CADPS: variants seen among roughly 807,000 people sequenced by gnomAD.
The protein encoded by CADPS is calcium dependent secretion activator.
In CADPS, 57 loss-of-function variants were observed where a neutral mutation model predicts 167.3. That is an observed-to-expected ratio of 0.34 (90% confidence interval 0.28 to 0.42). CADPS has a LOEUF of 0.42. Ranked by LOEUF, CADPS falls within the 20% of genes least tolerant of loss-of-function variation. The pLI is 1.00. For synonymous variants in CADPS, 676 were observed against 635.3 expected (o/e 1.06, Z -0.96); for missense variants, 1,414 against 1,738.1 (o/e 0.81, Z 3.32).
chr3:62,665,669 C>T (rs2074270214), intron 3 of CADPS, among the ~76,000 whole-genome samples: 1 of 152,168 alleles, frequency 6.6e-6, no homozygotes, highest in South Asian at 2.1e-4. Flanking sequence ...AACCCTCTGT[C>T]ACTTGTCATG....
chr3:62,447,635 A>C (rs1226261112), intron 26 of CADPS, among the ~76,000 whole-genome samples: 1 of 152,214 alleles, frequency 6.6e-6, no homozygotes, highest in Admixed American at 6.5e-5. Flanking sequence ...TTGAGAAGTA[A>C]GCAGAGGCAA....
At chr3:62,577,869 T>A (rs1265518612) in intron 8 of CADPS, among the ~76,000 whole-genome samples, 1 of 151,844 alleles carries the variant, frequency 6.6e-6, no homozygotes, top group African/African-American at 2.4e-5. Flanking sequence ...AACAATACAA[T>A]AAAGAAGACA....
At chr3:62,846,125 C>T (rs1460374096) in intron 1 of CADPS, among the ~76,000 whole-genome samples, 1 of 152,024 alleles carries the variant, frequency 6.6e-6, no homozygotes, top group Non-Finnish European at 1.5e-5. Context: ...ATTCTCCCTT[C>T]TACCATGATT....
intron 12 of CADPS, among the ~76,000 whole-genome samples, chr3:62,533,587 G>A (rs536713757): frequency 6.6e-6 from 1 of 152,252 alleles, no homozygotes; most frequent in South Asian, 2.1e-4. Context: ...TGGTCGTTAA[G>A]TGACTCACAC....
At chr3:62,658,365 C>G (rs2072263368) in intron 4 of CADPS, among the ~76,000 whole-genome samples, 1 of 151,970 alleles carries the variant, frequency 6.6e-6, no homozygotes, top group South Asian at 2.1e-4. Context: ...AAGGTAAAAG[C>G]CTGAGTAAAG....
At chr3:62,596,722 T>C (rs763757457) in intron 6 of CADPS, among the ~76,000 whole-genome samples, 23 of 152,198 alleles carry the variant, frequency 1.5e-4, no homozygotes, top group South Asian at 1.0e-3. Context: ...TTTTGTATCC[T>C]TTGTGGCTTC....
intron 26 of CADPS, among the ~76,000 whole-genome samples, chr3:62,459,897 A>C (rs1393881830): frequency 2.0e-5 from 3 of 152,246 alleles, no homozygotes; most frequent in Admixed American, 6.5e-5. Flanking sequence ...TTACTTCAGT[A>C]CTACGGTAAA....
In CADPS at chr3:62,601,713, A is replaced by G. The variant is rs1159442213; in HGVS notation, c.1326-8965T>C. 6.6e-6 allele frequency among the ~76,000 whole-genome samples: 1 copy of G among 152,200 alleles called. No individual in the cohort carries two copies. The highest frequency in any genetic ancestry group is 1.5e-5 in the Non-Finnish European group (1 of 68,032). ...CTGACTCATTTAGTCACACTACATC[A>G]TTATTAATATCAAATAATAAACATG... is the stretch of plus-strand genomic sequence containing the variant. On this transcript the variant is annotated intron_variant, in intron 6 of 29. Coordinates refer to ENST00000383710, the MANE Select transcript of CADPS (RefSeq NM_003716.4). The surrounding 1 kb of genome is among the most constrained non-coding windows in gnomAD (Gnocchi z 4.3).
chr3:62,710,868 C>T (rs973639840), intron 3 of CADPS, among the ~76,000 whole-genome samples: 2 of 150,892 alleles, frequency 1.3e-5, no homozygotes, highest in African/African-American at 4.9e-5. Context: ...AGCTTATTAT[C>T]GCTGCCTCCT....
rs138615011 is a variant in CADPS at position 62,561,455 on chromosome 3, G to C, written c.1645-3942C>G. ...TTTTAATTTTTTGGTAGAGATGGTGGGGGGGATGTCTCACTATGTTACCTA... is the reference window on the plus strand; with the variant it reads ...TTTTAATTTTTTGGTAGAGATGGTGCGGGGGATGTCTCACTATGTTACCTA... On this transcript the variant is annotated intron_variant, in intron 9 of 29. Coordinates refer to ENST00000383710, the MANE Select transcript of CADPS (RefSeq NM_003716.4). Among the ~76,000 whole-genome samples, 708 of 151,450 alleles carry C rather than the reference G, an allele frequency of 4.7e-3. 8 individuals are homozygous for C. The highest frequency in any genetic ancestry group is 0.016 in the African/African-American group (678 of 41,246).
intron 1 of CADPS, among the ~76,000 whole-genome samples, chr3:62,836,647 T>G (rs1423977529): frequency 6.6e-6 from 1 of 152,128 alleles, no homozygotes; most frequent in Non-Finnish European, 1.5e-5. Context: ...GTAAAAGGTG[T>G]CTTTGGAAGC....
rs548168148 is a variant in CADPS at position 62,779,602 on chromosome 3, T to C, written c.442-13618A>G. ...TTCTGCTGGGCACTGTGTGGAAACT[T>C]GAGGATGAAATCAGTGAGCTGCATG... is the stretch of plus-strand genomic sequence containing the variant. On this transcript the variant is annotated intron_variant, in intron 1 of 29. Coordinates refer to ENST00000383710, the MANE Select transcript of CADPS (RefSeq NM_003716.4). 6 of 534,628 alleles carry C rather than the reference T, an allele frequency of 1.1e-5. No homozygotes were observed. In the East Asian group the frequency reaches 3.2e-4, roughly 29 times the overall value. The allele number at this position is 534,628 out of a possible 1,614,324, so 33.1% of individuals were successfully genotyped here.
At chr3:62,571,684 C>T (rs2081321011) in intron 8 of CADPS, among the ~76,000 whole-genome samples, 1 of 151,864 alleles carries the variant, frequency 6.6e-6, no homozygotes, top group Non-Finnish European at 1.5e-5. Flanking sequence ...CCTGCCTCAG[C>T]CTCCCAAGTA....
At chr3:62,596,142 C>T (rs1376364944) in intron 6 of CADPS, among the ~76,000 whole-genome samples, 6 of 129,942 alleles carry the variant, frequency 4.6e-5, no homozygotes, top group Middle Eastern at 8.5e-3. Flanking sequence ...CACACACACA[C>T]ATATCCTATT....
At chr3:62,570,712 G>A (rs1390078818) in intron 9 of CADPS, among the ~76,000 whole-genome samples, 160 bp downstream of exon 9, 1 of 152,198 alleles carries the variant, frequency 6.6e-6, no homozygotes, top group Non-Finnish European at 1.5e-5. Flanking sequence ...GAAATGTTCT[G>A]TATCCTCCTC....
At chr3:62,569,617 C>A (rs2080926448) in intron 9 of CADPS, among the ~76,000 whole-genome samples, 1 of 152,190 alleles carries the variant, frequency 6.6e-6, no homozygotes, top group African/African-American at 2.4e-5. Flanking sequence ...GTGAAACCCT[C>A]AAGGTCATTT....
intron 13 of CADPS, among the ~76,000 whole-genome samples, chr3:62,528,601 A>G (rs1378059496): frequency 5.3e-5 from 8 of 152,198 alleles, no homozygotes; most frequent in South Asian, 4.1e-4. Context: ...GGGATATTAC[A>G]GATACTATGA....
intron 28 of CADPS, among the ~76,000 whole-genome samples, chr3:62,406,208 C>T (rs543024765): frequency 6.6e-6 from 1 of 152,236 alleles, no homozygotes; most frequent in East Asian, 1.9e-4. Flanking sequence ...AATAGGCCTT[C>T]GTGGGGGATT....
At position 62,665,078 on chromosome 3, in the gene CADPS, T is replaced by G. The variant is rs144949969; in HGVS notation, c.889-2684A>C. ...GGCATAAAGAAGAAAGGATTAGCAT[T>G]TATTGATGCCTGTACCAAACACCAA... On this transcript the variant is annotated intron_variant, in intron 3 of 29. Coordinates refer to ENST00000383710, the MANE Select transcript of CADPS (RefSeq NM_003716.4). Among the ~76,000 whole-genome samples, 610 of 152,280 alleles carry G rather than the reference T, an allele frequency of 4.0e-3. 1 individual carries two copies. Among genetic ancestry groups the G allele is most frequent in the South Asian group, 0.015 (71 of 4,822 alleles).
Sources: gnomAD v4.1 joint callset for allele counts (sites outside exome capture counted in the v4.1 genomes callset) on GRCh38, gnomAD v4.1.1 for gene constraint, Gnocchi (gnomAD v3.1) non-coding constraint, MANE v1.5 for transcripts, NCBI Gene and HGNC (gene_info 2026-07-23, HGNC 2026-07-21) for gene names.